The following COL24A1 variants were observed in gnomAD, a reference collection of about 807,000 sequenced individuals.
COL24A1 encodes the protein collagen alpha-1(XXIV) chain.
A neutral mutation model predicts 253.9 loss-of-function variants in COL24A1; 224 were observed. The observed-to-expected ratio is 0.88, with a 90% CI of 0.79 to 0.99. The LOEUF is 0.99. Among genes scored for constraint, COL24A1 ranks in the 50% least tolerant of loss-of-function variants. The pLI is 0.00. For synonymous variants in COL24A1, 685 were observed against 673.7 expected (o/e 1.02, Z -0.26); for missense variants, 2,131 against 2,068.5 (o/e 1.03, Z -0.59).
chr1:85,977,978 A>G (rs745504671), intron 20 of COL24A1, among the ~76,000 whole-genome samples: 73 of 152,180 alleles, frequency 4.8e-4, no homozygotes, highest in Non-Finnish European at 7.2e-4. Context: ...GCTGTGAGGC[A>G]AAAGCATCAG....
intron 48 of COL24A1, among the ~76,000 whole-genome samples, chr1:85,785,533 T>C (rs1160434702): frequency 1.3e-5 from 2 of 152,202 alleles, no homozygotes; most frequent in Admixed American, 1.3e-4. Context: ...GCCTAAAACA[T>C]GGGATCTTTA....
At chr1:85,895,807 C>A (rs768193084) in intron 31 of COL24A1, 51 bp downstream of exon 31, 2 of 1,492,172 alleles carry the variant, frequency 1.3e-6, no homozygotes, top group Non-Finnish European at 1.8e-6. Flanking sequence ...CCCCTTTCCC[C>A]CAAAAATGCA....
chr1:85,855,202 C>A (rs1276005603), intron 37 of COL24A1, among the ~76,000 whole-genome samples: 1 of 152,020 alleles, frequency 6.6e-6, no homozygotes, highest in Non-Finnish European at 1.5e-5. Flanking sequence ...TTCCTCTTTT[C>A]CTATTTGGAT....
At chr1:86,128,909 G>T (rs909547146) in intron 2 of COL24A1, among the ~76,000 whole-genome samples, 1 of 151,860 alleles carries the variant, frequency 6.6e-6, no homozygotes, top group Non-Finnish European at 1.5e-5. Context: ...CAATATGTAT[G>T]AGTTGACTGG....
intron 55 of COL24A1, among the ~76,000 whole-genome samples, chr1:85,746,124 A>T (rs1390588216): frequency 1.3e-5 from 2 of 151,928 alleles, no homozygotes; most frequent in African/African-American, 4.8e-5. Flanking sequence ...TAATTCTTTT[A>T]AAAAAATTAT....
In COL24A1 at chr1:85,868,291, G is replaced by A. The variant is rs554110645; in HGVS notation, c.3300+228C>T. ...CAACATAAAACATTCCTTTATAAAT[G>A]CTTTATGACAGAAGTTACATGGCTT... is the stretch of plus-strand genomic sequence containing the variant. On this transcript the variant is annotated intron_variant, in intron 37 of 59. Coordinates refer to ENST00000370571, the MANE Select transcript of COL24A1 (RefSeq NM_152890.7). Among the ~76,000 whole-genome samples, 3 of 152,218 alleles carry A rather than the reference G, an allele frequency of 2.0e-5. No homozygotes were observed. In the South Asian group the frequency reaches 6.2e-4, roughly 32 times the overall value.
At chr1:85,933,087 T>TAAAAA (rs747954578) in intron 24 of COL24A1, among the ~76,000 whole-genome samples, 7 of 123,590 alleles carry the variant, frequency 5.7e-5, no homozygotes, top group East Asian at 2.4e-4. Context: ...TAGAGTATAA[T>TAAAAA]AAAAAAAAAA....
intron 46 of COL24A1, among the ~76,000 whole-genome samples, chr1:85,817,138 AC>A (rs1558236656): frequency 6.6e-6 from 1 of 152,192 alleles, no homozygotes; most frequent in Non-Finnish European, 1.5e-5. Flanking sequence ...TTACTGTGTA[AC>A]TTTTGCGCCT....
intron 2 of COL24A1, 66 bp downstream of exon 2, chr1:86,146,053 T>C (rs1255030761): frequency 1.1e-5 from 14 of 1,270,042 alleles, no homozygotes; most frequent in Non-Finnish European, 1.6e-5. Flanking sequence ...TTGAAAGTTA[T>C]GTACTTTTGC....
At chr1:86,045,877 T>C (rs761360299) in intron 12 of COL24A1, 2 of 442,460 alleles carry the variant, frequency 4.5e-6, no homozygotes, top group South Asian at 3.3e-5. Context: ...ATGCCTCTTC[T>C]AAGCACTGTG....
intron 52 of COL24A1, among the ~76,000 whole-genome samples, chr1:85,780,766 G>A (rs946589400): frequency 1.3e-5 from 2 of 152,074 alleles, no homozygotes; most frequent in Non-Finnish European, 2.9e-5. Context: ...ATCTTCTACT[G>A]CAATTTATTC....
Position 85,773,569 on chromosome 1 carries a change from T to C in COL24A1, c.4374+2105A>G, listed in dbSNP as rs966441750. 3.7e-4 allele frequency among the ~76,000 whole-genome samples: 57 copies of C among 152,228 alleles called. 1 individual carries two copies. Among genetic ancestry groups the C allele is most frequent in the Non-Finnish European group, 6.6e-4 (45 of 68,030 alleles). On this transcript the variant is annotated intron_variant, in intron 53 of 59. Coordinates refer to ENST00000370571, the MANE Select transcript of COL24A1 (RefSeq NM_152890.7). ...CTTGAGTAGTGGTTTGTAGTTCTCCTTGAAGAGGTCCTTCACATCCCTTGT... is the reference window on the plus strand; with the variant it reads ...CTTGAGTAGTGGTTTGTAGTTCTCCCTGAAGAGGTCCTTCACATCCCTTGT...
At chr1:85,760,243 C>A (rs1278578156) in intron 55 of COL24A1, among the ~76,000 whole-genome samples, 5 of 151,658 alleles carry the variant, frequency 3.3e-5, no homozygotes, top group African/African-American at 1.2e-4. Context: ...TGGGGTTTTG[C>A]CATGTTGGCC....
chr1:86,099,920 G>A (rs887497701), intron 5 of COL24A1, among the ~76,000 whole-genome samples: 1 of 151,862 alleles, frequency 6.6e-6, no homozygotes, highest in African/African-American at 2.4e-5. Context: ...AATAAAATCC[G>A]ACCAAAATCT....
chr1:85,916,851 T>C (rs1008643001), intron 24 of COL24A1, among the ~76,000 whole-genome samples: 9 of 152,174 alleles, frequency 5.9e-5, no homozygotes, highest in Non-Finnish European at 1.2e-4. Flanking sequence ...TTATTATATA[T>C]AGTAAAATTG....
chr1:85,960,218 T>A (rs1336622983), intron 24 of COL24A1, among the ~76,000 whole-genome samples: 3 of 152,124 alleles, frequency 2.0e-5, no homozygotes, highest in Admixed American at 2.0e-4. Context: ...TAGAAGAAAA[T>A]TTTTTAAGTC....
At chr1:85,891,439 T>G (rs1158006548) in intron 31 of COL24A1, among the ~76,000 whole-genome samples, 1 of 152,146 alleles carries the variant, frequency 6.6e-6, no homozygotes, top group Non-Finnish European at 1.5e-5. Context: ...CCATTTTACC[T>G]TAAAAACTAA....
At chr1:86,123,689 T>C (rs1647772678) in intron 3 of COL24A1, among the ~76,000 whole-genome samples, 1 of 152,046 alleles carries the variant, frequency 6.6e-6, no homozygotes, top group Admixed American at 6.6e-5. Context: ...ATATTATATG[T>C]CCAGTGATTC....
Position 85,745,142 on chromosome 1 carries a change from C to T in COL24A1, c.4503+299G>A, listed in dbSNP as rs545155817. On this transcript the variant is annotated intron_variant, in intron 56 of 59. Transcript: ENST00000370571. Reference sequence around the variant, plus strand: ...AAATGAGTAGTGATAATATATATATCTCATTTTAAGAAACATGGCTAACCT... The same window carrying T: ...AAATGAGTAGTGATAATATATATATTTCATTTTAAGAAACATGGCTAACCT... 8.6e-5 allele frequency among the ~76,000 whole-genome samples: 13 copies of T among 151,972 alleles called. No individual in the cohort carries two copies. In the East Asian group the frequency reaches 1.5e-3, roughly 18 times the overall value.
Sources: gnomAD v4.1 joint callset for allele counts (sites outside exome capture counted in the v4.1 genomes callset) on GRCh38, gnomAD v4.1.1 for gene constraint, MANE v1.5 for transcripts, NCBI Gene and HGNC (gene_info 2026-07-23, HGNC 2026-07-21) for gene names.